The following EYA4 variants were observed in gnomAD, a reference collection of about 807,000 sequenced individuals.
EYA4 encodes protein phosphatase EYA4.
In EYA4, 31 loss-of-function variants were observed where a neutral mutation model predicts 87.9. The ratio of observed to expected loss-of-function variants is 0.35; its 90% CI spans 0.27 to 0.48. The LOEUF is 0.48. EYA4 is among the 20% of genes least tolerant of loss of function. EYA4 has a pLI of 0.99. For missense variants in EYA4, 678 were observed against 761.4 expected (o/e 0.89, Z 1.29); for synonymous variants, 263 against 270.6 (o/e 0.97, Z 0.28).
chr6:133,280,417 T>C (rs9321397), intron 2 of EYA4, among the ~76,000 whole-genome samples: 41,576 of 152,032 alleles, frequency 0.27, 6,344 homozygotes, highest in East Asian at 0.49. Flanking sequence ...TTTTCTTTTT[T>C]TTTGTTTGAG....
At chr6:133,250,486 A>G (rs1454227546) in intron 1 of EYA4, among the ~76,000 whole-genome samples, 1 of 152,022 alleles carries the variant, frequency 6.6e-6, no homozygotes, top group Non-Finnish European at 1.5e-5. Flanking sequence ...TACTAAAAAT[A>G]CAAAAATTAG....
chr6:133,400,091 T>G, intron 3 of EYA4, among the ~76,000 whole-genome samples: 1 of 152,250 alleles, frequency 6.6e-6, no homozygotes, highest in East Asian at 1.9e-4. Context: ...AATACATATT[T>G]ATAGCTTTTT....
At chr6:133,292,752 A>T (rs897308849) in intron 2 of EYA4, among the ~76,000 whole-genome samples, 10 of 152,204 alleles carry the variant, frequency 6.6e-5, no homozygotes, top group Non-Finnish European at 1.0e-4. Flanking sequence ...AGATGTCTAG[A>T]TGCATATTTA....
At chr6:133,478,438 G>T (rs1409170517) in intron 11 of EYA4, among the ~76,000 whole-genome samples, 1 of 135,660 alleles carries the variant, frequency 7.4e-6, no homozygotes, top group East Asian at 2.0e-4. Flanking sequence ...CAGTGTAATA[G>T]ATACAGTGTA....
chr6:133,483,043 C>G lies in EYA4; in HGVS notation c.1119C>G (p.Val373=). 6.2e-7 allele frequency: 1 copy of G among 1,612,966 alleles called. No homozygotes were observed. Among genetic ancestry groups the G allele is most frequent in the East Asian group, 2.2e-5 (1 of 44,766 alleles). Residue 373 remains valine (V), a synonymous_variant, in exon 13 of 20, where the codon GTC becomes GTG. Coordinates refer to ENST00000355286, the MANE Select transcript of EYA4 (RefSeq NM_004100.5). ...TTTTTTGTCTTCAGCGTGTGTTTGT[C>G]TGGGATTTGGATGAAACCATCATTG... ...PPDSDLERVF[V]WDLDETIIVF... is the part of the protein sequence containing the mutation.
chr6:133,360,795 G>C (rs781083316), intron 2 of EYA4: 13 of 152,168 alleles, frequency 8.5e-5, no homozygotes, highest in Non-Finnish European at 1.8e-4. Flanking sequence ...CAGAAACCGG[G>C]ATGGCATTCT....
At chr6:133,291,679 G>T (rs968605708) in intron 2 of EYA4, among the ~76,000 whole-genome samples, 7 of 152,098 alleles carry the variant, frequency 4.6e-5, no homozygotes, top group African/African-American at 1.7e-4. Flanking sequence ...AATGAAAGAG[G>T]CAAATAGTGC....
At chr6:133,372,673 T>G (rs549378321) in intron 2 of EYA4, among the ~76,000 whole-genome samples, 1 of 151,708 alleles carries the variant, frequency 6.6e-6, no homozygotes, top group Non-Finnish European at 1.5e-5. Flanking sequence ...TAATGGAAGA[T>G]CAAGAAGATA....
At chr6:133,414,299 A>G (rs1043811034) in intron 3 of EYA4, among the ~76,000 whole-genome samples, 3 of 152,006 alleles carry the variant, frequency 2.0e-5, no homozygotes, top group African/African-American at 7.2e-5. Flanking sequence ...TTAGATTTCG[A>G]AAAAAAAGGT....
chr6:133,320,586 G>A (rs1301462358), intron 2 of EYA4, among the ~76,000 whole-genome samples: 1 of 151,496 alleles, frequency 6.6e-6, no homozygotes. Flanking sequence ...TAGACATATT[G>A]TGTAATGATG....
chr6:133,470,173 T>C (rs1323741510), intron 11 of EYA4, among the ~76,000 whole-genome samples: 1 of 145,140 alleles, frequency 6.9e-6, no homozygotes, highest in Non-Finnish European at 1.5e-5. Flanking sequence ...CCCACGCCTA[T>C]GTCCTGAATG....
At chr6:133,377,020 A>G (rs983842180) in intron 2 of EYA4, among the ~76,000 whole-genome samples, 4 of 151,982 alleles carry the variant, frequency 2.6e-5, no homozygotes, top group Admixed American at 2.0e-4. Context: ...TTTTCATCTC[A>G]GCACTTAACC....
At chr6:133,314,181 G>C (rs1243378746) in intron 2 of EYA4, among the ~76,000 whole-genome samples, 17 of 152,056 alleles carry the variant, frequency 1.1e-4, no homozygotes. Flanking sequence ...TTCTGATACA[G>C]ATTAAATGAA....
intron 2 of EYA4, among the ~76,000 whole-genome samples, chr6:133,314,630 G>T (rs1022038863): frequency 2.6e-5 from 4 of 152,062 alleles, no homozygotes; most frequent in African/African-American, 9.7e-5. Context: ...CTTCCCTTCT[G>T]CATGAAAATA....
At chr6:133,262,112 T>C (rs1482669161) in intron 1 of EYA4, among the ~76,000 whole-genome samples, 2 of 152,246 alleles carry the variant, frequency 1.3e-5, no homozygotes, top group African/African-American at 4.8e-5. Flanking sequence ...GGGAGATCTA[T>C]TCTTAAATTC....
At chr6:133,243,904 C>T (rs527460086) in intron 1 of EYA4, among the ~76,000 whole-genome samples, 16 of 152,204 alleles carry the variant, frequency 1.1e-4, no homozygotes, top group South Asian at 1.0e-3. Context: ...ATTTTTATGG[C>T]AACAATATCG....
At chr6:133,326,918 T>C (rs1444109660) in intron 2 of EYA4, among the ~76,000 whole-genome samples, 1 of 152,166 alleles carries the variant, frequency 6.6e-6, no homozygotes, top group Non-Finnish European at 1.5e-5. Flanking sequence ...CTTTGCACTT[T>C]CTTGCCACCT....
chr6:133,418,273 T>G (rs1789917841), intron 3 of EYA4, among the ~76,000 whole-genome samples: 1 of 152,162 alleles, frequency 6.6e-6, no homozygotes, highest in South Asian at 2.1e-4. Flanking sequence ...CATAGAAGCT[T>G]GACTCTTCAG....
At chr6:133,389,359 A>C (rs945346896) in intron 3 of EYA4, among the ~76,000 whole-genome samples, 4 of 152,112 alleles carry the variant, frequency 2.6e-5, no homozygotes, top group African/African-American at 9.7e-5. Context: ...ACAGGGTACC[A>C]TGTTCTTCTC....
Sources: gnomAD v4.1 joint callset for allele counts (sites outside exome capture counted in the v4.1 genomes callset) on GRCh38, gnomAD v4.1.1 for gene constraint, MANE v1.5 for transcripts, NCBI Gene and HGNC (gene_info 2026-07-23, HGNC 2026-07-21) for gene names.